Variants in MEIKIN observed in about 807,000 individuals in gnomAD.
MEIKIN encodes meiotic kinetochore factor.
chr5:131,839,910 A>C (rs756757126), intron 11 of MEIKIN, among the ~76,000 whole-genome samples: 4 of 152,134 alleles, frequency 2.6e-5, no homozygotes, highest in Non-Finnish European at 5.9e-5. Context: ...TCTGGTTATT[A>C]TTCAGACTTG....
intron 3 of MEIKIN, among the ~76,000 whole-genome samples, chr5:131,944,096 G>A (rs1751919779): frequency 6.8e-6 from 1 of 146,520 alleles, no homozygotes; most frequent in Admixed American, 6.9e-5. Context: ...GGGTGACAGA[G>A]CAAGACTCTG....
At chr5:131,818,483 T>C (rs912577416) in intron 12 of MEIKIN, among the ~76,000 whole-genome samples, 2 of 152,136 alleles carry the variant, frequency 1.3e-5, no homozygotes, top group African/African-American at 2.4e-5. Context: ...TGCAGTGACC[T>C]GATGATAGCT....
intron 8 of MEIKIN, among the ~76,000 whole-genome samples, chr5:131,880,254 T>C (rs1750682338): frequency 1.5e-5 from 2 of 133,448 alleles, no homozygotes; most frequent in Admixed American, 1.7e-4. Flanking sequence ...CACACCAGGC[T>C]AATTTTTGTA....
chr5:131,862,513 T>G (rs961947292), intron 9 of MEIKIN, among the ~76,000 whole-genome samples: 3 of 152,166 alleles, frequency 2.0e-5, no homozygotes, highest in African/African-American at 7.2e-5. Context: ...TCTAATTCCT[T>G]AAAGTGCATC....
chr5:131,929,331 A>G (rs1751643048), intron 5 of MEIKIN, among the ~76,000 whole-genome samples: 1 of 152,040 alleles, frequency 6.6e-6, no homozygotes. Flanking sequence ...CTAAATGTCC[A>G]TTTCATTCCC....
At chr5:131,862,855 CCTGA>C (rs925080379) in intron 9 of MEIKIN, among the ~76,000 whole-genome samples, 16 of 152,068 alleles carry the variant, frequency 1.1e-4, no homozygotes, top group East Asian at 3.9e-4. Context: ...CACCACCATG[CCTGA>C]CTAAGTTTTA....
At chr5:131,887,023 G>A (rs952469320) in intron 8 of MEIKIN, among the ~76,000 whole-genome samples, 10 of 137,030 alleles carry the variant, frequency 7.3e-5, no homozygotes, top group South Asian at 2.2e-4. Flanking sequence ...TGATTTCCTC[G>A]CCATGTGTCC....
chr5:131,828,533 TAGA>T (rs1749654781), intron 11 of MEIKIN, among the ~76,000 whole-genome samples: 1 of 152,114 alleles, frequency 6.6e-6, no homozygotes, highest in East Asian at 1.9e-4. Flanking sequence ...AAAAGGTTTT[TAGA>T]AGAAGATAGG....
chr5:131,835,355 C>G (rs1004297234), intron 11 of MEIKIN, among the ~76,000 whole-genome samples: 1 of 151,952 alleles, frequency 6.6e-6, no homozygotes, highest in African/African-American at 2.4e-5. Context: ...TGCACTGAAG[C>G]CTTTTTATTC....
intron 4 of MEIKIN, among the ~76,000 whole-genome samples, chr5:131,942,236 C>T (rs909515981): frequency 1.2e-4 from 18 of 152,308 alleles, no homozygotes; most frequent in African/African-American, 4.3e-4. Flanking sequence ...TCATACTGGC[C>T]TTCTTCAGTT....
rs1041561620 is a variant in MEIKIN at position 131,885,951 on chromosome 5, T to C, written c.704-6903A>G. ...GAAATTCAGAATTCTGTCTGGTAAA[T>C]TTTACAAAGAAATTTAAATAACTAA... On this transcript the variant is annotated intron_variant, in intron 8 of 12. Transcript: ENST00000442687. Among the ~76,000 whole-genome samples the C allele has an allele frequency of 2.6e-5, 4 of 152,166 alleles. No individual in the cohort carries two copies. The South Asian group carries it at 8.3e-4, about 32-fold the overall frequency.
At chr5:131,894,053 T>C (rs1044448142) in intron 8 of MEIKIN, among the ~76,000 whole-genome samples, 1 of 152,246 alleles carries the variant, frequency 6.6e-6, no homozygotes, top group South Asian at 2.1e-4. Context: ...AAGTCTTTAA[T>C]CCATCTTGAA....
chr5:131,935,253 G>A (rs2149653365), intron 4 of MEIKIN, among the ~76,000 whole-genome samples: 1 of 96,268 alleles, frequency 1.0e-5, no homozygotes, highest in Non-Finnish European at 1.9e-5. Context: ...CAACATAGTG[G>A]AACCCCGTCT....
chr5:131,942,753 T>C (rs1192525575), intron 3 of MEIKIN, 58 bp from the exon 4 acceptor site: 1 of 396,330 alleles, frequency 2.5e-6, no homozygotes, highest in Non-Finnish European at 4.4e-6. Flanking sequence ...ATTTCTATAT[T>C]ATAATCTTGT....
intron 5 of MEIKIN, among the ~76,000 whole-genome samples, chr5:131,927,581 A>G (rs1206007122): frequency 6.6e-6 from 1 of 152,170 alleles, no homozygotes; most frequent in African/African-American, 2.4e-5. Flanking sequence ...TCCCACAATT[A>G]TTGTATTACT....
At chr5:131,935,379 C>G (rs1241781792) in intron 4 of MEIKIN, among the ~76,000 whole-genome samples, 3 of 150,074 alleles carry the variant, frequency 2.0e-5, no homozygotes, top group Non-Finnish European at 3.0e-5. Context: ...AATATTTGAA[C>G]AGAGAATCTT....
At chr5:131,873,922 A>G (rs1156564766) in intron 9 of MEIKIN, among the ~76,000 whole-genome samples, 1 of 152,260 alleles carries the variant, frequency 6.6e-6, no homozygotes, top group Admixed American at 6.5e-5. Flanking sequence ...TCAAGGCAGA[A>G]ATAAAGATGT....
intron 8 of MEIKIN, among the ~76,000 whole-genome samples, chr5:131,890,613 C>T (rs1750893784): frequency 1.3e-5 from 2 of 152,026 alleles, no homozygotes; most frequent in Non-Finnish European, 2.9e-5. Flanking sequence ...CTCTTTTCTT[C>T]TTTATTAGTC....
intron 12 of MEIKIN, among the ~76,000 whole-genome samples, chr5:131,811,306 T>C (rs1350779346): frequency 6.6e-6 from 1 of 152,074 alleles, no homozygotes; most frequent in Non-Finnish European, 1.5e-5. Flanking sequence ...AAGATCAAAT[T>C]AAGAGTGTTG....
Sources: gnomAD v4.1 joint callset for allele counts (sites outside exome capture counted in the v4.1 genomes callset) on GRCh38, gnomAD v4.1.1 for gene constraint, MANE v1.5 for transcripts, NCBI Gene and HGNC (gene_info 2026-07-23, HGNC 2026-07-21) for gene names.